Variants in HIP1 observed in about 807,000 individuals in gnomAD.
The protein encoded by HIP1 is huntingtin-interacting protein 1.
In HIP1, 65 loss-of-function variants were observed where a neutral mutation model predicts 147.6. The ratio of observed to expected loss-of-function variants is 0.44; its 90% confidence interval spans 0.36 to 0.54. The LOEUF is 0.54. Ranked by LOEUF, HIP1 falls within the 20% of genes least tolerant of loss-of-function variation. The pLI is 0.00. For synonymous variants in HIP1, 479 were observed against 504.0 expected (o/e 0.95, Z 0.67); for missense variants, 1,061 against 1,299.6 (o/e 0.82, Z 2.82).
At chr7:75,726,249 G>A (rs1428717650) in intron 1 of HIP1, among the ~76,000 whole-genome samples, 1 of 151,000 alleles carries the variant, frequency 6.6e-6, no homozygotes, top group Non-Finnish European at 1.5e-5. Context: ...CAATGTGGTT[G>A]CCCCAGTTTA....
Position 75,610,362 on chromosome 7 carries a change from A to G in HIP1, c.121-11115T>C, listed in dbSNP as rs920869867. On this transcript the variant is annotated intron_variant, in intron 1 of 30. Transcript: ENST00000336926. ...AAGCTGGGACTTCCAGGCATGTGCC[A>G]CCACACCCAGCTAATTTTTTTGTAT... 2.0e-5 allele frequency among the ~76,000 whole-genome samples: 3 copies of G among 151,274 alleles called. No individual in the cohort carries two copies. The East Asian group carries it at 5.9e-4, about 30-fold the overall frequency.
intron 1 of HIP1, among the ~76,000 whole-genome samples, chr7:75,619,663 T>C (rs1175250748): frequency 3.9e-5 from 6 of 152,156 alleles, no homozygotes; most frequent in African/African-American, 1.4e-4. Flanking sequence ...CTGGAAAATG[T>C]GAATTGCCAC....
chr7:75,602,341 A>G (rs1311197370), intron 1 of HIP1, among the ~76,000 whole-genome samples: 23 of 104,418 alleles, frequency 2.2e-4, no homozygotes, highest in Admixed American at 8.9e-4. Flanking sequence ...TTCAAAAGAG[A>G]TAGGGTTTCG....
chr7:75,728,597 G>A (rs782054864), intron 1 of HIP1, among the ~76,000 whole-genome samples: 4 of 152,212 alleles, frequency 2.6e-5, no homozygotes, highest in Non-Finnish European at 4.4e-5. Flanking sequence ...TCAGTGCCTT[G>A]CAGAAGTGCC....
chr7:75,691,528 G>A (rs1800452390), intron 1 of HIP1, among the ~76,000 whole-genome samples: 2 of 151,948 alleles, frequency 1.3e-5, no homozygotes, highest in African/African-American at 4.8e-5. Flanking sequence ...GCCGGGCGCG[G>A]TGGCTCATGC....
At position 75,559,748 on chromosome 7, in the gene HIP1, G is replaced by T. The variant is rs781904838; in HGVS notation, c.1359C>A (p.Ser453Arg). The change falls in exon 14 of 31, where the codon AGC becomes AGA. Residue 453 changes from serine (S) to arginine (R), a missense_variant. Physicochemically the swap from Ser to Arg is moderately radical, Grantham distance 110 (BLOSUM62 -1). Transcript: ENST00000336926. ...QREDTEKAQR[S>R]LSEIERKAQA... is the part of the protein sequence containing the mutation. ...ACCGCTCACTTTCTATCTCAGACAG[G>T]CTCCGCTGAGCCTTCTCGGTGTCCT... 6.4e-7 allele frequency: 1 copy of T among 1,571,018 alleles called. No individual in the cohort carries two copies. The highest frequency in any genetic ancestry group is 1.9e-5 in the Admixed American group (1 of 52,706).
At chr7:75,644,354 G>C (rs1398988125) in intron 1 of HIP1, among the ~76,000 whole-genome samples, 2 of 152,110 alleles carry the variant, frequency 1.3e-5, no homozygotes, top group Non-Finnish European at 2.9e-5. Context: ...GAGTGCAATG[G>C]CACAGTCTCA....
intron 1 of HIP1, among the ~76,000 whole-genome samples, chr7:75,700,256 G>A (rs999403836): frequency 3.3e-5 from 5 of 152,148 alleles, no homozygotes; most frequent in African/African-American, 1.2e-4. Context: ...AAGTGACTGC[G>A]GTGACCATGA....
intron 1 of HIP1, among the ~76,000 whole-genome samples, chr7:75,649,026 G>A (rs1798892931): frequency 6.6e-6 from 1 of 151,776 alleles, no homozygotes; most frequent in Non-Finnish European, 1.5e-5. Flanking sequence ...TCCAGGCTAG[G>A]AACTTTTTTT....
At position 75,554,488 on chromosome 7, in the gene HIP1, T is replaced by C. The variant is rs371016754; in HGVS notation, c.2002A>G (p.Ile668Val). 252 of 1,613,850 alleles carry C rather than the reference T, an allele frequency of 1.6e-4. No individual in the cohort carries two copies. Among genetic ancestry groups the C allele is most frequent in the Non-Finnish European group, 2.0e-4 (240 of 1,179,942 alleles). Residue 668 changes from isoleucine (I) to valine (V), a missense_variant, in exon 20 of 31, where the codon ATC (isoleucine) becomes GTC (valine). Transcript: ENST00000336926. The part of the protein sequence containing the change: ...LSTVTSISSC[I>V]EQLEKSWSQY... ...CTCCAGCTTTTCTCCAGTTGCTCGA[T>C]GCAGCTGGAAATGGATGTGACCGTG...
intron 1 of HIP1, among the ~76,000 whole-genome samples, chr7:75,612,810 A>AAAT (rs1477818896): frequency 3.3e-5 from 5 of 152,016 alleles, no homozygotes; most frequent in South Asian, 2.1e-4. Context: ...ACTCCATCTC[A>AAAT]AATAATAATA....
At chr7:75,638,930 G>C in intron 1 of HIP1, 1 of 288,508 alleles carries the variant, frequency 3.5e-6, no homozygotes, top group Non-Finnish European at 5.2e-6. Context: ...GGGGCCAACA[G>C]GCAGGATCAA....
chr7:75,729,624 A>G (rs1204749375), intron 1 of HIP1, among the ~76,000 whole-genome samples: 1 of 152,064 alleles, frequency 6.6e-6, no homozygotes, highest in Non-Finnish European at 1.5e-5. Flanking sequence ...AGTCTCTTCT[A>G]AAAGTACAAA....
intron 1 of HIP1, among the ~76,000 whole-genome samples, chr7:75,707,701 A>G (rs1554519853): frequency 6.8e-6 from 1 of 148,148 alleles, no homozygotes; most frequent in Non-Finnish European, 1.5e-5. Flanking sequence ...TTCAAACTAT[A>G]CTACAAGGCT....
At chr7:75,564,016 T>G (rs906052347) in intron 9 of HIP1, among the ~76,000 whole-genome samples, 1 of 152,084 alleles carries the variant, frequency 6.6e-6, no homozygotes, top group Non-Finnish European at 1.5e-5. Context: ...CTCAGCCTCC[T>G]GAGTAGCTAG....
At chr7:75,598,064 A>C (rs1796816712) in intron 2 of HIP1, among the ~76,000 whole-genome samples, 3 of 152,182 alleles carry the variant, frequency 2.0e-5, no homozygotes, top group South Asian at 4.1e-4. Flanking sequence ...GAACCTGTTC[A>C]CGAAGGTAGA....
In HIP1 at chr7:75,554,505, G is replaced by A; in HGVS notation, c.1985C>T (p.Thr662Ile). Residue 662 changes from threonine to isoleucine, a missense_variant, in exon 20 of 31, where the codon ACA (threonine) becomes ATA (isoleucine). Coordinates refer to ENST00000336926, the MANE Select transcript of HIP1 (RefSeq NM_005338.7). ...GSADHLLSTV[T>I]SISSCIEQLE... ...TTGCTCGATGCAGCTGGAAATGGATGTGACCGTGGAGAGGAGGTGATCTGT... is the reference window on the plus strand; with the variant it reads ...TTGCTCGATGCAGCTGGAAATGGATATGACCGTGGAGAGGAGGTGATCTGT... 6.2e-7 allele frequency: 1 copy of A among 1,613,830 alleles called. No individual in the cohort carries two copies. The highest frequency in any genetic ancestry group is 8.5e-7 in the Non-Finnish European group (1 of 1,179,828).
chr7:75,588,800 C>T (rs1033555950), intron 4 of HIP1, among the ~76,000 whole-genome samples: 10 of 151,260 alleles, frequency 6.6e-5, no homozygotes, highest in Non-Finnish European at 1.0e-4. Flanking sequence ...CACCTTCCCC[C>T]GCAAAAAACA....
chr7:75,683,834 C>T (rs782681706), intron 1 of HIP1, among the ~76,000 whole-genome samples: 5 of 152,122 alleles, frequency 3.3e-5, no homozygotes, highest in Non-Finnish European at 5.9e-5. Context: ...GTTTACAAAA[C>T]GTCCCTAATG....
Sources: gnomAD v4.1 joint callset for allele counts (sites outside exome capture counted in the v4.1 genomes callset) on GRCh38, gnomAD v4.1.1 for gene constraint, MANE v1.5 for transcripts, NCBI Gene and HGNC (gene_info 2026-07-23, HGNC 2026-07-21) for gene names.